The following CDC42BPA variants were observed in gnomAD, a reference collection of about 807,000 sequenced individuals.
CDC42BPA encodes the protein serine/threonine-protein kinase MRCK alpha.
A neutral mutation model predicts 223.5 loss-of-function variants in CDC42BPA; 80 were observed. The ratio of observed to expected loss-of-function variants is 0.36; its 90% CI spans 0.30 to 0.43. The LOEUF (loss-of-function observed/expected upper bound fraction) is 0.43. Ranked by LOEUF, CDC42BPA falls within the 20% of genes least tolerant of loss-of-function variation. The probability of loss-of-function intolerance (pLI) is 1.00; values close to 1 mark genes in which losing one functional copy is unlikely to be tolerated. For synonymous variants in CDC42BPA, 694 were observed against 718.6 expected (o/e 0.97, Z 0.55); for missense variants, 1,743 against 2,099.9 (o/e 0.83, Z 3.32).
At chr1:227,146,301 A>C (rs1389582305) in intron 7 of CDC42BPA, among the ~76,000 whole-genome samples, 6 of 152,068 alleles carry the variant, frequency 3.9e-5, no homozygotes, top group Non-Finnish European at 5.9e-5. Flanking sequence ...ATTTGAACTG[A>C]AGCTGTAATC....
chr1:227,112,189 T>C (rs1053044591), intron 14 of CDC42BPA, 123 bp downstream of exon 14: 2 of 500,756 alleles, frequency 4.0e-6, no homozygotes, highest in Non-Finnish European at 7.1e-6. Context: ...GAATTATGAA[T>C]AGTAGGTTTG....
At chr1:227,296,196 G>C (rs115643391) in intron 1 of CDC42BPA, among the ~76,000 whole-genome samples, 2,708 of 152,138 alleles carry the variant, frequency 0.018, 84 homozygotes, top group African/African-American at 0.061. Context: ...TGAGAGTCTA[G>C]AAAAAAATCC....
chr1:226,994,310 G>T lies in CDC42BPA; in HGVS notation c.5223C>A (p.Ser1741Arg), dbSNP rs376204917. The T allele has an allele frequency of 6.3e-7, 1 of 1,597,826 alleles. No individual in the cohort carries two copies. The highest frequency in any genetic ancestry group is 8.5e-7 in the Non-Finnish European group (1 of 1,170,736). The change falls in exon 37 of 37, where the codon AGC becomes AGA. Residue 1741 changes from serine (S) to arginine (R), a missense_variant. Physicochemically the swap from Ser to Arg is moderately radical, Grantham distance 110. This residue lies in a region of CDC42BPA where 200 missense variants were observed against 192.8 expected (regional missense o/e 1.04). Coordinates refer to ENST00000366766, the MANE Select transcript of CDC42BPA (RefSeq NM_001394014.1). The surrounding 1 kb of genome is among the most constrained non-coding windows in gnomAD (Gnocchi z 4.0). ...CGCGGTCAGTGCTCTCCAGGGAGAGGCTCTTGGTTTTTCGGGGTGAAGCTG... is the reference window on the plus strand; with the variant it reads ...CGCGGTCAGTGCTCTCCAGGGAGAGTCTCTTGGTTTTTCGGGGTGAAGCTG... ...PSPASPRKTK[S>R]LSLESTDRGS... is the part of the protein sequence containing the mutation.
chr1:227,218,577 T>C (rs1254131339), intron 2 of CDC42BPA, among the ~76,000 whole-genome samples: 1 of 152,224 alleles, frequency 6.6e-6, no homozygotes, highest in Non-Finnish European at 1.5e-5. Flanking sequence ...AACTTACTCA[T>C]AGTGACAAAA....
chr1:227,210,760 T>C (rs1447722728), intron 3 of CDC42BPA, among the ~76,000 whole-genome samples: 1 of 152,172 alleles, frequency 6.6e-6, no homozygotes, highest in Non-Finnish European at 1.5e-5. Context: ...AATTATTTAC[T>C]CTTTTGTAAT....
At chr1:227,081,056 C>T (rs767495037) in intron 16 of CDC42BPA, 39 bp from the exon 17 acceptor site, 3 of 1,606,716 alleles carry the variant, frequency 1.9e-6, no homozygotes, top group Non-Finnish European at 2.6e-6. Flanking sequence ...CTTTTAGGAC[C>T]AAGAATTCGA....
chr1:227,196,975 G>GA (rs993434809), intron 4 of CDC42BPA, among the ~76,000 whole-genome samples: 23 of 151,898 alleles, frequency 1.5e-4, no homozygotes, highest in East Asian at 7.7e-4. Context: ...TTTTCTTAAA[G>GA]AAAAAAAGAT....
intron 16 of CDC42BPA, 85 bp downstream of exon 16, chr1:227,091,801 C>A (rs1683124514): frequency 4.6e-6 from 3 of 655,056 alleles, no homozygotes; most frequent in Admixed American, 3.4e-5. Flanking sequence ...AAATGTATGT[C>A]AAATATAAAG....
At position 226,992,021 on chromosome 1, in the gene CDC42BPA, GTGAGGAGGGTGGGGAGA is replaced by G. The variant is rs1660807972; in HGVS notation, c.*2230_*2246del. The G allele has an allele frequency of 1.7e-4, 1 of 5,908 alleles. No individual in the cohort carries two copies. The highest frequency in any genetic ancestry group is 7.7e-4 in the African/African-American group (1 of 1,294). 0.4% of individuals were successfully genotyped at this position (5,908 alleles called of 1,614,324 possible). ...AGGAGAGGAGGGGAGGGTGGGGAGA[GTGAGGAGGGTGGGGAGA>G]GTGAGGAGGGTGGGGAGAGTGGGGA... is the stretch of plus-strand genomic sequence containing the variant. On this transcript the variant is annotated 3_prime_UTR_variant, in exon 37 of 37. Coordinates refer to ENST00000366766, the MANE Select transcript of CDC42BPA (RefSeq NM_001394014.1).
At chr1:227,061,265 T>G (rs1377066122) in intron 21 of CDC42BPA, among the ~76,000 whole-genome samples, 1 of 152,150 alleles carries the variant, frequency 6.6e-6, no homozygotes, top group African/African-American at 2.4e-5. Context: ...CAACTCCAAC[T>G]CTTCCTCTAG....
At chr1:227,093,989 T>C (rs145607781) in intron 15 of CDC42BPA, among the ~76,000 whole-genome samples, 70 of 152,210 alleles carry the variant, frequency 4.6e-4, no homozygotes, top group Non-Finnish European at 7.8e-4. Flanking sequence ...TCACCTGAAA[T>C]AGTTACATCA....
chr1:227,089,918 C>T (rs959066946), intron 16 of CDC42BPA, among the ~76,000 whole-genome samples: 1 of 152,090 alleles, frequency 6.6e-6, no homozygotes, highest in African/African-American at 2.4e-5. Flanking sequence ...GTAATAACAT[C>T]TTTTAGTAGG....
At chr1:227,307,536 G>C (rs4298700) in intron 1 of CDC42BPA, among the ~76,000 whole-genome samples, 46,786 of 152,028 alleles carry the variant, frequency 0.31, 7,379 homozygotes, top group East Asian at 0.37. Flanking sequence ...GGTTTCTACA[G>C]CAAACTTTTT....
Position 227,247,543 on chromosome 1 carries a change from C to T in CDC42BPA, c.270+6521G>A, listed in dbSNP as rs147148110. Among the ~76,000 whole-genome samples the T allele has an allele frequency of 1.6e-4, 25 of 151,826 alleles. No individual in the cohort carries two copies. The East Asian group carries it at 4.9e-3, about 30-fold the overall frequency. On this transcript the variant is annotated intron_variant, in intron 2 of 36. Coordinates refer to ENST00000366766, the MANE Select transcript of CDC42BPA (RefSeq NM_001394014.1). ...AAACTCAAAGAAATTCAAGATAACACAGAGAAGGAATTTGGGATTCTATAA... is the reference window on the plus strand; with the variant it reads ...AAACTCAAAGAAATTCAAGATAACATAGAGAAGGAATTTGGGATTCTATAA...
chr1:227,178,402 A>G (rs567642389), intron 5 of CDC42BPA: 1 of 153,246 alleles, frequency 6.5e-6, no homozygotes, highest in African/African-American at 2.4e-5. Context: ...GACTTCCACC[A>G]TGATTGTGAG....
chr1:227,098,821 T>C (rs1378562734), intron 15 of CDC42BPA, among the ~76,000 whole-genome samples: 1 of 151,936 alleles, frequency 6.6e-6, no homozygotes, highest in East Asian at 1.9e-4. Context: ...TAACCTAGTA[T>C]TCAGAGTGAT....
At chr1:227,147,078 A>G (rs1206426897) in intron 7 of CDC42BPA, among the ~76,000 whole-genome samples, 1 of 152,198 alleles carries the variant, frequency 6.6e-6, no homozygotes, top group African/African-American at 2.4e-5. Flanking sequence ...TACATATACT[A>G]TAGTAAGCAA....
At chr1:227,163,070 ATG>A (rs919169425) in intron 5 of CDC42BPA, among the ~76,000 whole-genome samples, 2 of 26,038 alleles carry the variant, frequency 7.7e-5, no homozygotes, top group Non-Finnish European at 1.4e-4. Flanking sequence ...CCAAACATAA[ATG>A]TGTGTATGTT....
At chr1:227,084,477 G>C (rs1363686100) in intron 16 of CDC42BPA, among the ~76,000 whole-genome samples, 1 of 147,958 alleles carries the variant, frequency 6.8e-6, no homozygotes, top group Non-Finnish European at 1.5e-5. Context: ...GCAACGAGCA[G>C]AGATAGTGCC....
Sources: allele counts gnomAD v4.1 joint callset (sites outside exome capture counted in the v4.1 genomes callset), GRCh38; gene constraint gnomAD v4.1.1; regional missense constraint gnomAD v4.1.1; non-coding constraint Gnocchi (gnomAD v3.1); transcripts MANE v1.5; gene names NCBI Gene and HGNC (gene_info 2026-07-23, HGNC 2026-07-21).